ARHGEF3: variants seen among roughly 807,000 people sequenced by gnomAD.
The protein encoded by ARHGEF3 is Rho guanine nucleotide exchange factor 3, also known as 59.8 kDA protein.
In ARHGEF3, 28 loss-of-function variants were observed where a neutral mutation model predicts 63.2. That is an observed-to-expected ratio of 0.44 (90% confidence interval 0.33 to 0.61). The LOEUF is 0.61. ARHGEF3 is among the 20% of genes least tolerant of loss of function. ARHGEF3 has a pLI of 0.03. For synonymous variants in ARHGEF3, 266 were observed against 254.2 expected, an observed-to-expected ratio of 1.05 and a Z score of -0.44; for missense variants, 533 against 659.3, an observed-to-expected ratio of 0.81 and a Z score of 2.10.
chr3:56,921,054 CAAAAAAAA>C (rs34087284), intron 3 of ARHGEF3, among the ~76,000 whole-genome samples: 1 of 60,710 alleles, frequency 1.6e-5, no homozygotes, highest in African/African-American at 6.3e-5. Context: ...GACTCCATCT[CAAAAAAAA>C]AAAAAAAAAA....
chr3:56,988,922 A>C (rs912500734), intron 2 of ARHGEF3, among the ~76,000 whole-genome samples: 2 of 152,208 alleles, frequency 1.3e-5, no homozygotes, highest in Non-Finnish European at 2.9e-5. Context: ...GGGTGTTAAA[A>C]TAATAGCACC....
At chr3:56,947,084 T>C (rs1384769516) in intron 3 of ARHGEF3, among the ~76,000 whole-genome samples, 1 of 152,116 alleles carries the variant, frequency 6.6e-6, no homozygotes, top group African/African-American at 2.4e-5. Context: ...TGCTGAGAGA[T>C]TTTGTCACCA....
chr3:56,954,609 G>A (rs1053268932), intron 3 of ARHGEF3, among the ~76,000 whole-genome samples: 3 of 152,118 alleles, frequency 2.0e-5, no homozygotes, highest in Admixed American at 2.0e-4. Context: ...CTGGTAAGTG[G>A]TGGGCACAGT....
At chr3:56,955,721 C>A (rs1700015644) in intron 3 of ARHGEF3, among the ~76,000 whole-genome samples, 1 of 152,202 alleles carries the variant, frequency 6.6e-6, no homozygotes, top group African/African-American at 2.4e-5. Flanking sequence ...GATTTCATTA[C>A]AGAAGATGTG....
At chr3:56,779,696 T>C (rs1451909302) in intron 1 of ARHGEF3, among the ~76,000 whole-genome samples, 2 of 152,236 alleles carry the variant, frequency 1.3e-5, no homozygotes, top group African/African-American at 4.8e-5. Context: ...GACAGCTTGC[T>C]TTGTACCTTT....
intron 1 of ARHGEF3, among the ~76,000 whole-genome samples, chr3:57,077,284 G>A (rs571492475): frequency 9.3e-5 from 14 of 150,394 alleles, no homozygotes; most frequent in African/African-American, 3.2e-4. Flanking sequence ...GGGCACAAAG[G>A]GCAGCCCCCA....
intron 2 of ARHGEF3, among the ~76,000 whole-genome samples, chr3:56,970,851 C>T (rs1179382749): frequency 6.6e-6 from 1 of 152,236 alleles, no homozygotes; most frequent in Non-Finnish European, 1.5e-5. Context: ...TGCAACTCAC[C>T]ACCTGTGTAG....
At chr3:56,736,190 A>G (rs1320351890) in intron 8 of ARHGEF3, among the ~76,000 whole-genome samples, 1 of 152,200 alleles carries the variant, frequency 6.6e-6, no homozygotes, top group African/African-American at 2.4e-5. Context: ...GCATTCATTC[A>G]TTGAGTACCC....
chr3:56,744,090 C>A (rs2034224430), intron 7 of ARHGEF3, among the ~76,000 whole-genome samples: 1 of 152,324 alleles, frequency 6.6e-6, no homozygotes, highest in African/African-American at 2.4e-5. Flanking sequence ...TCTGAACCCA[C>A]ATCCTCTGTC....
chr3:56,792,072 C>T (rs1029359429), intron 1 of ARHGEF3, among the ~76,000 whole-genome samples: 2 of 138,924 alleles, frequency 1.4e-5, no homozygotes, highest in Admixed American at 8.0e-5. Context: ...TGCTGCTGCA[C>T]TCCAGACTGG....
intron 1 of ARHGEF3, among the ~76,000 whole-genome samples, chr3:56,781,361 C>G (rs1441596393): frequency 6.6e-6 from 1 of 152,042 alleles, no homozygotes; most frequent in East Asian, 1.9e-4. Flanking sequence ...ATTCTCCTGC[C>G]TCAGCCTCCC....
intron 2 of ARHGEF3, among the ~76,000 whole-genome samples, chr3:56,973,260 G>A (rs901816649): frequency 1.2e-4 from 19 of 152,120 alleles, no homozygotes; most frequent in East Asian, 3.9e-4. Context: ...CTCGTGATCC[G>A]CGCGCCTCGG....
intron 9 of ARHGEF3, chr3:56,731,808 C>A (rs963912305): frequency 4.1e-6 from 1 of 244,824 alleles, no homozygotes. Flanking sequence ...ACAGATGAAT[C>A]CACATTCCAG....
At chr3:56,916,168 T>A (rs2041983005) in intron 3 of ARHGEF3, 10 of 1,193,522 alleles carry the variant, frequency 8.4e-6, no homozygotes, top group Non-Finnish European at 1.1e-5. Context: ...CAGGTGCTTT[T>A]AACAGCAGCT....
intron 2 of ARHGEF3, among the ~76,000 whole-genome samples, chr3:57,028,980 GACACAC>G (rs58006138): frequency 0.016 from 2,329 of 142,244 alleles, 77 homozygotes; most frequent in African/African-American, 0.057. Flanking sequence ...TAATGGTGAA[GACACAC>G]ACACACACAC....
Position 57,006,775 on chromosome 3 carries a change from C to T in ARHGEF3, c.62+28313G>A, listed in dbSNP as rs573608616. 5.9e-5 allele frequency among the ~76,000 whole-genome samples: 9 copies of T among 152,272 alleles called. 1 individual carries two copies. Among genetic ancestry groups the T allele is most frequent in the East Asian group, 3.9e-4 (2 of 5,182 alleles). ...AAACACGGTCACACTTTCTCATGCC[C>T]GCCTGGAAATCCATCTCCATCAGAA... is the stretch of plus-strand genomic sequence containing the variant. On this transcript the variant is annotated intron_variant, in intron 2 of 12. Coordinates refer to the ARHGEF3 transcript ENST00000338458.
chr3:56,979,350 G>A (rs964298421), intron 2 of ARHGEF3, among the ~76,000 whole-genome samples: 1 of 152,224 alleles, frequency 6.6e-6, no homozygotes, highest in Non-Finnish European at 1.5e-5. Flanking sequence ...GCCCTGCAGT[G>A]GTTGGGACAG....
intron 3 of ARHGEF3, chr3:56,939,649 G>A (rs996632437): frequency 6.6e-6 from 1 of 152,040 alleles, no homozygotes; most frequent in Admixed American, 6.6e-5. Context: ...TTGCCAAACA[G>A]GCTGTTCTTG....
intron 2 of ARHGEF3, among the ~76,000 whole-genome samples, chr3:56,971,749 G>C (rs547532130): frequency 1.4e-4 from 22 of 152,146 alleles, no homozygotes; most frequent in African/African-American, 5.1e-4. Context: ...AGCTACTCGG[G>C]AGGCTGAGGC....
Sources: gnomAD v4.1 joint callset for allele counts (sites outside exome capture counted in the v4.1 genomes callset) on GRCh38, gnomAD v4.1.1 for gene constraint, MANE v1.5 for transcripts, NCBI Gene and HGNC (gene_info 2026-07-23, HGNC 2026-07-21) for gene names.